The following GAD1 variants were observed in gnomAD, a reference collection of about 807,000 sequenced individuals.
The protein encoded by GAD1 is glutamate decarboxylase 1.
GAD1 carries 35 observed loss-of-function variants against 75.2 expected under a neutral mutation model. The observed-to-expected ratio is 0.47, with a 90% CI of 0.36 to 0.62. The LOEUF (loss-of-function observed/expected upper bound fraction) is 0.62. Among genes scored for constraint, GAD1 ranks in the 20% least tolerant of loss-of-function variants. GAD1 has a pLI of 0.00. For missense variants in GAD1, 490 were observed against 758.5 expected, an observed-to-expected ratio of 0.65 and a Z score of 4.16; for synonymous variants, 257 against 271.9, an observed-to-expected ratio of 0.95 and a Z score of 0.54.
Position 170,826,567 on chromosome 2 carries a change from CA to C in GAD1, c.146-2891del, listed in dbSNP as rs34462898. 4.0e-3 allele frequency among the ~76,000 whole-genome samples: 445 copies of C among 110,832 alleles called. 2 individuals are homozygous for C. Among genetic ancestry groups the C allele is most frequent in the African/African-American group, 0.014 (373 of 25,796 alleles). 72.7% of individuals were successfully genotyped at this position (110,832 alleles called of 152,430 possible). A position where few individuals can be genotyped will look rare whatever the true frequency, so the allele number is the denominator to read the frequency against. On this transcript the variant is annotated intron_variant, in intron 3 of 16. Coordinates refer to ENST00000358196, the MANE Select transcript of GAD1 (RefSeq NM_000817.3). ...TGGGTGACAGAGCAAGACTCCGTCT[CA>C]AAAAAAAAAAAAAAAAGCTGTGGCA...
chr2:170,859,851 A>AG lies in GAD1; in HGVS notation c.1756dup (p.Glu586GlyfsTer17). On this transcript the variant is annotated frameshift_variant, in exon 17 of 17. Transcript: ENST00000358196. LOFTEE classifies it high-confidence loss of function. ...CAGTCTGACATTGACTTCCTCATTGAGGAGATAGAAAGACTGGGCCAGGAT... is the reference window on the plus strand; with the variant it reads ...CAGTCTGACATTGACTTCCTCATTGAGGGAGATAGAAAGACTGGGCCAGGAT... 4 of 1,614,152 alleles carry AG rather than the reference A, an allele frequency of 2.5e-6. No homozygotes were observed. The highest frequency in any genetic ancestry group is 3.4e-6 in the Non-Finnish European group (4 of 1,180,032).
chr2:170,831,594 A>ATATGTGTGTG (rs1491335706), intron 5 of GAD1, among the ~76,000 whole-genome samples: 3 of 122,804 alleles, frequency 2.4e-5, no homozygotes, highest in Admixed American at 8.9e-5. Flanking sequence ...GTCTCTACAT[A>ATATGTGTGTG]TGTGTGTGTG....
At chr2:170,815,068 C>T (rs1451137900), upstream of GAD1, among the ~76,000 whole-genome samples, 1 of 152,180 alleles carries the variant, frequency 6.6e-6, no homozygotes, top group African/African-American at 2.4e-5. Flanking sequence ...TTAGCACTGG[C>T]ACCTGGCTCC....
chr2:170,831,138 C>T lies in GAD1; in HGVS notation c.493C>T (p.Leu165=), dbSNP rs138137011. 14 of 1,614,054 alleles carry T rather than the reference C, an allele frequency of 8.7e-6. No individual in the cohort carries two copies. In the African/African-American group the frequency reaches 1.3e-4, roughly 15 times the overall value. ...GGAGCTCTCTGACCACCCCGAGTCC[C>T]TGGAGCAGATCCTGGTTGACTGCAG... ...NLELSDHPES[L]EQILVDCRDT... Residue 165 remains leucine, a synonymous_variant, in exon 5 of 17, where the codon CTG becomes TTG. Transcript: ENST00000358196.
chr2:170,826,369 C>T (rs941581069), intron 3 of GAD1, among the ~76,000 whole-genome samples: 1 of 151,862 alleles, frequency 6.6e-6, no homozygotes, highest in African/African-American at 2.4e-5. Context: ...GAGTTTGAGA[C>T]CAGCCTGACC....
chr2:170,859,945 C>A lies in GAD1; in HGVS notation c.*63C>A. ...TTCCCTCTGGCACTCCAGAACAAACCTCTATATGTTGCTGAAACACACAGG... is the reference window on the plus strand; with the variant it reads ...TTCCCTCTGGCACTCCAGAACAAACATCTATATGTTGCTGAAACACACAGG... On this transcript the variant is annotated 3_prime_UTR_variant, in exon 17 of 17. Coordinates refer to ENST00000358196, the MANE Select transcript of GAD1 (RefSeq NM_000817.3). 3 of 1,470,940 alleles carry A rather than the reference C, an allele frequency of 2.0e-6. No homozygotes were observed. Among genetic ancestry groups the A allele is most frequent in the East Asian group, 2.3e-5 (1 of 43,670 alleles). 91.1% of individuals were successfully genotyped at this position (1,470,940 alleles called of 1,614,324 possible). A position where few individuals can be genotyped will look rare whatever the true frequency, so the allele number is the denominator to read the frequency against.
At chr2:170,821,216 G>A (rs1402639508) in intron 2 of GAD1, among the ~76,000 whole-genome samples, 1 of 152,206 alleles carries the variant, frequency 6.6e-6, no homozygotes, top group Non-Finnish European at 1.5e-5. Flanking sequence ...ACTCCGCTTG[G>A]GGGCTTAGTG....
rs1281034422 is a variant in GAD1 at position 170,818,335 on chromosome 2, G to A, written c.-63-194G>A. 2 of 417,802 alleles carry A rather than the reference G, an allele frequency of 4.8e-6. No individual in the cohort carries two copies. The highest frequency in any genetic ancestry group is 4.5e-6 in the Non-Finnish European group (1 of 222,632). 25.9% of individuals were successfully genotyped at this position (417,802 alleles called of 1,614,324 possible). ...GCTACGCTCCCTGCGCCCCAGTACC[G>A]GAGCTAGCGCGCACGTCTCCTCCGC... On this transcript the variant is annotated intron_variant, in intron 1 of 16. Transcript: ENST00000358196. This position sits in a 1 kb window ranked among gnomAD's most constrained non-coding sequence, Gnocchi z 5.9.
Position 170,842,545 on chromosome 2 carries a change from C to A in GAD1, c.639-1500C>A, listed in dbSNP as rs761864624. 1.9e-6 allele frequency: 3 copies of A among 1,610,644 alleles called. No homozygotes were observed. The African/African-American group carries it at 4.0e-5, about 22-fold the overall frequency. The stretch of plus-strand genomic sequence containing the variant: ...GGCAGCACAGGCTAAACCAGGAATC[C>A]TTCTCTTCTTCTTCCTTTATCAGGC... On this transcript the variant is annotated intron_variant, in intron 6 of 16. Transcript: ENST00000358196.
At chr2:170,845,899 G>C in intron 9 of GAD1, 110 bp from the exon 10 acceptor site, 2 of 1,452,100 alleles carry the variant, frequency 1.4e-6, no homozygotes, top group South Asian at 1.1e-5. Context: ...GCTGCTAATG[G>C]TCTGTTGAAA....
At chr2:170,852,025 A>G (rs942049651) in intron 12 of GAD1, among the ~76,000 whole-genome samples, 1 of 152,220 alleles carries the variant, frequency 6.6e-6, no homozygotes, top group Non-Finnish European at 1.5e-5. Context: ...AGAAAGGCAG[A>G]AAGAAGCCAC....
upstream of GAD1, among the ~76,000 whole-genome samples, chr2:170,814,622 G>A (rs1701664354): frequency 1.3e-5 from 2 of 152,224 alleles, no homozygotes; most frequent in Non-Finnish European, 1.5e-5. Context: ...TTGGCACATA[G>A]TAGGGGATTA....
At chr2:170,836,768 TG>T in intron 5 of GAD1, 24 bp from the exon 6 acceptor site, 2 of 1,565,550 alleles carry the variant, frequency 1.3e-6, no homozygotes, top group South Asian at 2.2e-5. Context: ...GCATTTGCCT[TG>T]ATGCTTTTCT....
At chr2:170,815,761 C>G (rs1701684018), upstream of GAD1, among the ~76,000 whole-genome samples, 1 of 152,222 alleles carries the variant, frequency 6.6e-6, no homozygotes, top group African/African-American at 2.4e-5. Flanking sequence ...AGAACTTAAA[C>G]TAGTGACAGG....
At chr2:170,828,644 CCT>C (rs1702118097) in intron 3 of GAD1, among the ~76,000 whole-genome samples, 1 of 138,354 alleles carries the variant, frequency 7.2e-6, no homozygotes, top group Non-Finnish European at 1.6e-5. Flanking sequence ...CTGTCCTCAC[CCT>C]CCTCCCTCTG....
intron 14 of GAD1, among the ~76,000 whole-genome samples, chr2:170,855,918 A>G (rs886465427): frequency 2.6e-5 from 4 of 151,996 alleles, no homozygotes; most frequent in Admixed American, 6.5e-5. Context: ...AACAACAAAA[A>G]AGGAGTCGTG....
At chr2:170,856,032 T>C (rs1045585604) in intron 14 of GAD1, among the ~76,000 whole-genome samples, 1 of 152,228 alleles carries the variant, frequency 6.6e-6, no homozygotes, top group African/African-American at 2.4e-5. Context: ...GTTTTGACCA[T>C]AGTGATTGGT....
At chr2:170,858,662 G>A (rs1702901109) in intron 15 of GAD1, 142 bp from the exon 16 acceptor site, 1 of 740,340 alleles carries the variant, frequency 1.4e-6, no homozygotes, top group African/African-American at 1.7e-5. Context: ...TCCCTGGTGT[G>A]GAAGTAACAT....
chr2:170,860,037 G>A lies in GAD1; in HGVS notation c.*155G>A, dbSNP rs779464118. 1 of 764,158 alleles carries A rather than the reference G, an allele frequency of 1.3e-6. No homozygotes were observed. Among genetic ancestry groups the A allele is most frequent in the East Asian group, 2.7e-5 (1 of 37,098 alleles). 47.3% of individuals were successfully genotyped at this position (764,158 alleles called of 1,614,324 possible). The stretch of plus-strand genomic sequence containing the variant: ...TTAAAACCTTACTTAAAGCTTGTTT[G>A]TTCTAGTTAGCAGGAAATAGTGTTC... On this transcript the variant is annotated 3_prime_UTR_variant, in exon 17 of 17. Transcript: ENST00000358196.
Sources: allele counts gnomAD v4.1 joint callset (sites outside exome capture counted in the v4.1 genomes callset), GRCh38; gene constraint gnomAD v4.1.1; non-coding constraint Gnocchi (gnomAD v3.1); transcripts MANE v1.5; gene names NCBI Gene and HGNC (gene_info 2026-07-23, HGNC 2026-07-21).